The following EP300 variants were observed in gnomAD, a reference collection of about 807,000 sequenced individuals.
EP300 encodes the protein histone acetyltransferase p300.
EP300 carries 31 observed loss-of-function variants against 264.0 expected under a neutral mutation model. The ratio of observed to expected loss-of-function variants is 0.12; its 90% CI spans 0.09 to 0.16. The LOEUF is 0.16. Among genes scored for constraint, EP300 ranks in the 10% least tolerant of loss-of-function variants. The pLI is 1.00. For missense variants in EP300, 2,766 were observed against 3,052.9 expected, an observed-to-expected ratio of 0.91 and a Z score of 2.21; for synonymous variants, 1,340 against 1,045.4, an observed-to-expected ratio of 1.28 and a Z score of -5.44.
At chr22:41,119,876 G>A (rs1056674253) in intron 2 of EP300, among the ~76,000 whole-genome samples, 5 of 152,052 alleles carry the variant, frequency 3.3e-5, no homozygotes, top group African/African-American at 1.2e-4. Flanking sequence ...GTGCAGTGGC[G>A]TGATCTTGGA....
intron 19 of EP300, chr22:41,159,792 A>C (rs2059097888): frequency 6.6e-6 from 1 of 152,416 alleles, no homozygotes; most frequent in East Asian, 1.9e-4. Context: ...CTCCTGCCTC[A>C]GCCTTCCAAA....
chr22:41,095,029 T>C (rs550773841), intron 1 of EP300, among the ~76,000 whole-genome samples: 18 of 152,252 alleles, frequency 1.2e-4, no homozygotes, highest in African/African-American at 4.1e-4. Flanking sequence ...TCACTCATAA[T>C]GCTAAGAGTT....
chr22:41,146,686 GT>G (rs1476369939), intron 10 of EP300, 52 bp from the exon 11 acceptor site: 47 of 1,542,714 alleles, frequency 3.0e-5, no homozygotes, highest in Non-Finnish European at 4.1e-5. Flanking sequence ...GTGAGTTTTT[GT>G]TTGGTTAAGG....
At chr22:41,131,274 T>C (rs2058917605) in intron 5 of EP300, 114 bp from the exon 6 acceptor site, 1 of 1,175,012 alleles carries the variant, frequency 8.5e-7, no homozygotes, top group Non-Finnish European at 1.3e-6. Context: ...ATCCACATAC[T>C]CAGATGTTTC....
chr22:41,118,274 G>A (rs2145698432), intron 2 of EP300, among the ~76,000 whole-genome samples: 1 of 152,174 alleles, frequency 6.6e-6, no homozygotes, highest in South Asian at 2.1e-4. Context: ...AAATTAAGGT[G>A]CATTTGTTCA....
At chr22:41,109,906 C>T (rs1380259654) in intron 1 of EP300, among the ~76,000 whole-genome samples, 3 of 151,162 alleles carry the variant, frequency 2.0e-5, no homozygotes, top group East Asian at 2.0e-4. Flanking sequence ...TTCTGCCTCC[C>T]GGGCTCAAGC....
intron 23 of EP300, among the ~76,000 whole-genome samples, chr22:41,166,966 C>CGTT (rs1354342151): frequency 6.6e-6 from 1 of 152,044 alleles, no homozygotes; most frequent in Non-Finnish European, 1.5e-5. Context: ...AATGATTGGC[C>CGTT]GGAATTGCCA....
rs1173520880 is a variant in EP300, at chr22:41,178,543, A to G, written c.6832A>G (p.Met2278Val). The change falls in exon 31 of 31, where the codon ATG (methionine) becomes GTG (valine). Residue 2278 changes from methionine to valine, a missense_variant. Coordinates refer to ENST00000263253, the MANE Select transcript of EP300 (RefSeq NM_001429.4). ...QMGSPVQPNPMSPQQHMLPNQ... is the reference protein window; with the variant it reads ...QMGSPVQPNPVSPQQHMLPNQ... ...GGGGTCCCCTGTTCAGCCCAACCCC[A>G]TGAGCCCCCAGCAGCATATGCTCCC... 4.3e-6 allele frequency: 7 copies of G among 1,613,896 alleles called. No homozygotes were observed. The highest frequency in any genetic ancestry group is 5.1e-6 in the Non-Finnish European group (6 of 1,179,994).
At chr22:41,144,132 TTTAAGTGTGG>T (rs1403060450) in intron 10 of EP300, among the ~76,000 whole-genome samples, 1 of 152,190 alleles carries the variant, frequency 6.6e-6, no homozygotes. Context: ...TCTGAGTTTT[TTTAAGTGTGG>T]CATATGCCCT....
At chr22:41,149,713 T>C (rs1199958433) in intron 13 of EP300, 48 bp from the exon 14 acceptor site, 5 of 1,586,320 alleles carry the variant, frequency 3.2e-6, no homozygotes, top group Non-Finnish European at 4.3e-6. Flanking sequence ...AAGTATTTCC[T>C]TAATTCTGTT....
At chr22:41,102,326 C>G (rs920338673) in intron 1 of EP300, among the ~76,000 whole-genome samples, 1 of 152,030 alleles carries the variant, frequency 6.6e-6, no homozygotes, top group Non-Finnish European at 1.5e-5. Flanking sequence ...AGAACCTAAC[C>G]CAGTAGTTAT....
At position 41,092,971 on chromosome 22, in the gene EP300, G is replaced by A. The variant is rs779552676; in HGVS notation, c.-34G>A. 1.1e-5 allele frequency: 17 copies of A among 1,612,682 alleles called. No individual in the cohort carries two copies. In the South Asian group the frequency reaches 1.6e-4, roughly 16 times the overall value. The stretch of plus-strand genomic sequence containing the variant: ...AAGAAGAGATTTCCTGAGGATTCTG[G>A]TTTTCCTCGCTTGTATCTCCGAAAG... On this transcript the variant is annotated 5_prime_UTR_variant, in exon 1 of 31. Coordinates refer to ENST00000263253, the MANE Select transcript of EP300 (RefSeq NM_001429.4).
intron 8 of EP300, among the ~76,000 whole-genome samples, chr22:41,138,976 GTCTT>G (rs764074198): frequency 6.6e-6 from 1 of 152,024 alleles, no homozygotes; most frequent in African/African-American, 2.4e-5. Flanking sequence ...TTGAGACTGA[GTCTT>G]TCTCTGTCGC....
rs930135062 is a variant in EP300, at chr22:41,125,112, CTTTT to C, written c.730-731_730-728del. 6.2e-5 allele frequency among the ~76,000 whole-genome samples: 5 copies of C among 80,368 alleles called. No homozygotes were observed. The Admixed American group carries it at 7.6e-4, about 12-fold the overall frequency. 52.7% of individuals were successfully genotyped at this position (80,368 alleles called of 152,430 possible). A position where few individuals can be genotyped will look rare whatever the true frequency, so the allele number is the denominator to read the frequency against. ...TGCCACCACATCCAGCTTTTCTTTC[CTTTT>C]TTTTTTTTTTTTTTTTTTTTGAGAT... On this transcript the variant is annotated intron_variant, in intron 2 of 30. Transcript: ENST00000263253.
chr22:41,140,082 GA>G (rs1387540702), intron 8 of EP300, 57 bp from the exon 9 acceptor site: 19 of 1,290,520 alleles, frequency 1.5e-5, no homozygotes, highest in Non-Finnish European at 2.0e-5. Context: ...ATAAAAATCA[GA>G]AAAATACTAA....
Position 41,179,957 on chromosome 22 carries a change from A to G in EP300, c.*1001A>G. On this transcript the variant is annotated 3_prime_UTR_variant, in exon 31 of 31. Transcript: ENST00000263253. ...AAACTTGAAAATAGCAAAAACCCTC[A>G]ACTGTTGTAAATCATGCAATTAAAG... is the stretch of plus-strand genomic sequence containing the variant. 4.4e-6 allele frequency: 1 copy of G among 225,146 alleles called. No homozygotes were observed. The highest frequency in any genetic ancestry group is 8.8e-6 in the Non-Finnish European group (1 of 113,480). The allele number at this position is 225,146 out of a possible 1,614,324, so 13.9% of individuals were successfully genotyped here.
intron 27 of EP300, among the ~76,000 whole-genome samples, chr22:41,172,072 T>C (rs940467215): frequency 6.6e-6 from 1 of 152,210 alleles, no homozygotes; most frequent in Non-Finnish European, 1.5e-5. Flanking sequence ...CCAGTATTTG[T>C]AGTTTTGGTC....
chr22:41,097,580 T>C (rs546423530), intron 1 of EP300, among the ~76,000 whole-genome samples: 1 of 152,312 alleles, frequency 6.6e-6, no homozygotes, highest in East Asian at 1.9e-4. Context: ...TAAAATACTT[T>C]TTCCTGGTAT....
chr22:41,101,497 C>T (rs919236352), intron 1 of EP300, among the ~76,000 whole-genome samples: 3 of 151,340 alleles, frequency 2.0e-5, no homozygotes, highest in Non-Finnish European at 2.9e-5. Flanking sequence ...CTGCCAGCTC[C>T]GCCTCCTGGG....
Sources: gnomAD v4.1 joint callset for allele counts (sites outside exome capture counted in the v4.1 genomes callset) on GRCh38, gnomAD v4.1.1 for gene constraint, MANE v1.5 for transcripts, NCBI Gene and HGNC (gene_info 2026-07-23, HGNC 2026-07-21) for gene names.